Variants in TCF12 observed in about 807,000 individuals in gnomAD.
TCF12 encodes DNA-binding protein HTF4.
A neutral mutation model predicts 86.0 loss-of-function variants in TCF12; 45 were observed. That is an observed-to-expected ratio of 0.52 (90% CI 0.41 to 0.67). The LOEUF is 0.67. Among genes scored for constraint, TCF12 ranks in the 30% least tolerant of loss-of-function variants. The probability of loss-of-function intolerance (pLI) is 0.00; values close to 1 mark genes in which losing one functional copy is unlikely to be tolerated. For synonymous variants in TCF12, 330 were observed against 299.6 expected, an observed-to-expected ratio of 1.10 and a Z score of -1.05; for missense variants, 881 against 859.9, an observed-to-expected ratio of 1.02 and a Z score of -0.31.
At chr15:57,149,089 T>G (rs1294890191) in intron 5 of TCF12, among the ~76,000 whole-genome samples, 1 of 152,190 alleles carries the variant, frequency 6.6e-6, no homozygotes, top group East Asian at 1.9e-4. Context: ...AATATTTTAA[T>G]GAAATCAGTG....
intron 3 of TCF12, among the ~76,000 whole-genome samples, chr15:56,961,657 A>C (rs184604899): frequency 1.3e-5 from 2 of 152,222 alleles, no homozygotes; most frequent in Non-Finnish European, 2.9e-5. Context: ...GTCATTACCA[A>C]TTAGTGGGTT....
At chr15:57,041,371 T>C (rs2066887058) in intron 3 of TCF12, among the ~76,000 whole-genome samples, 2 of 152,258 alleles carry the variant, frequency 1.3e-5, no homozygotes, top group African/African-American at 4.8e-5. Context: ...TTTTTTATGT[T>C]GTCTTCAGGT....
chr15:57,077,740 G>GT (rs200756239), intron 4 of TCF12, among the ~76,000 whole-genome samples: 55 of 98,764 alleles, frequency 5.6e-4, no homozygotes, highest in South Asian at 2.4e-3. Context: ...CGGATCTGTA[G>GT]TTTTTTAAAA....
chr15:57,064,062 C>T (rs1015354281), intron 4 of TCF12, among the ~76,000 whole-genome samples: 1 of 152,168 alleles, frequency 6.6e-6, no homozygotes, highest in Non-Finnish European at 1.5e-5. Context: ...GCCTACAGTA[C>T]TCTACTAAAG....
intron 3 of TCF12, among the ~76,000 whole-genome samples, chr15:56,993,877 AG>A (rs1373183726): frequency 6.6e-6 from 1 of 152,226 alleles, no homozygotes; most frequent in Non-Finnish European, 1.5e-5. Context: ...TAACATATGA[AG>A]AACAAGGAAG....
intron 5 of TCF12, among the ~76,000 whole-genome samples, chr15:57,096,842 G>A (rs1433595765): frequency 2.4e-4 from 37 of 152,114 alleles, no homozygotes; most frequent in Admixed American, 2.4e-3. Flanking sequence ...TTAACAGGTT[G>A]GGTCTAATTG....
At chr15:57,046,186 C>G (rs180942583) in intron 3 of TCF12, among the ~76,000 whole-genome samples, 97 of 152,282 alleles carry the variant, frequency 6.4e-4, no homozygotes, top group African/African-American at 2.3e-3. Context: ...CTATTATCAA[C>G]CCACATTTAA....
chr15:57,222,962 C>T (rs1336829482), intron 8 of TCF12, among the ~76,000 whole-genome samples: 1 of 151,214 alleles, frequency 6.6e-6, no homozygotes, highest in Non-Finnish European at 1.5e-5. Context: ...TTCTGAGAAA[C>T]AACACAGAAA....
chr15:57,123,982 A>AAAAAAAAAAAAAAAAAAT (rs1555511574), intron 5 of TCF12, among the ~76,000 whole-genome samples: 21 of 111,258 alleles, frequency 1.9e-4, no homozygotes, highest in African/African-American at 6.3e-4. Context: ...AAAAAAAAAA[A>AAAAAAAAAAAAAAAAAAT]TTTTTTTTTT....
intron 3 of TCF12, among the ~76,000 whole-genome samples, chr15:57,062,615 G>A (rs1278249287): frequency 6.6e-6 from 1 of 152,048 alleles, no homozygotes; most frequent in Admixed American, 6.6e-5. Context: ...TTTGGCAATT[G>A]TGTCACTATA....
chr15:56,946,089 G>T (rs1395139591), intron 3 of TCF12, among the ~76,000 whole-genome samples: 1 of 152,164 alleles, frequency 6.6e-6, no homozygotes, highest in African/African-American at 2.4e-5. Flanking sequence ...GCATAAAACA[G>T]ACTAAGGCAA....
In TCF12 at chr15:57,210,104, C is replaced by T. The variant is rs377075849; in HGVS notation, c.579+12279C>T. 7.2e-5 allele frequency among the ~76,000 whole-genome samples: 11 copies of T among 152,090 alleles called. No homozygotes were observed. The East Asian group carries it at 1.2e-3, about 16-fold the overall frequency. ...TCATACAATCTGATATGGCCTAATT[C>T]GTTTATTCTTTATCTGTGTTACCCA... is the stretch of plus-strand genomic sequence containing the variant. On this transcript the variant is annotated intron_variant, in intron 8 of 20. Coordinates refer to ENST00000333725, the MANE Select transcript of TCF12 (RefSeq NM_207037.2).
intron 3 of TCF12, among the ~76,000 whole-genome samples, chr15:57,030,469 T>C (rs2141342725): frequency 6.6e-6 from 1 of 152,322 alleles, no homozygotes; most frequent in Admixed American, 6.5e-5. Flanking sequence ...CAGGCTGTTC[T>C]CAAATTCCTG....
intron 4 of TCF12, among the ~76,000 whole-genome samples, chr15:57,083,100 GATA>G (rs753664352): frequency 3.9e-5 from 6 of 152,142 alleles, no homozygotes; most frequent in Non-Finnish European, 8.8e-5. Flanking sequence ...ATATCATTTA[GATA>G]ATAATATGTA....
chr15:57,014,674 C>A (rs2065041019), intron 3 of TCF12, among the ~76,000 whole-genome samples: 1 of 152,068 alleles, frequency 6.6e-6, no homozygotes. Flanking sequence ...CAGGTGGCAG[C>A]CTACCTAAAG....
chr15:57,259,206 C>T (rs1432514971), intron 16 of TCF12, among the ~76,000 whole-genome samples: 4 of 152,042 alleles, frequency 2.6e-5, no homozygotes, highest in South Asian at 2.1e-4. Context: ...AGGTTATATA[C>T]ATTTATGGAA....
chr15:57,229,045 T>C (rs1421063247), intron 8 of TCF12, among the ~76,000 whole-genome samples: 1 of 152,004 alleles, frequency 6.6e-6, no homozygotes, highest in Non-Finnish European at 1.5e-5. Flanking sequence ...TCTTCTAAAT[T>C]TGATTCACAT....
At chr15:56,936,582 T>G (rs1567129335) in intron 3 of TCF12, among the ~76,000 whole-genome samples, 1 of 152,262 alleles carries the variant, frequency 6.6e-6, no homozygotes, top group Non-Finnish European at 1.5e-5. Context: ...GTTTTTCTGA[T>G]GTTATCTTCT....
At chr15:56,954,770 A>G (rs2061428425) in intron 3 of TCF12, among the ~76,000 whole-genome samples, 1 of 152,228 alleles carries the variant, frequency 6.6e-6, no homozygotes, top group African/African-American at 2.4e-5. Flanking sequence ...ATGTGAACAG[A>G]CACTTCTCAA....
Sources: gnomAD v4.1 joint callset for allele counts (sites outside exome capture counted in the v4.1 genomes callset) on GRCh38, gnomAD v4.1.1 for gene constraint, MANE v1.5 for transcripts, NCBI Gene and HGNC (gene_info 2026-07-23, HGNC 2026-07-21) for gene names.